The following DIAPH3 variants were observed in gnomAD, a reference collection of about 807,000 sequenced individuals.
DIAPH3 encodes the protein diaphanous related formin 3.
In DIAPH3, 117 loss-of-function variants were observed where a neutral mutation model predicts 144.3. The ratio of observed to expected loss-of-function variants is 0.81; its 90% CI spans 0.70 to 0.95. DIAPH3 has a LOEUF of 0.95. Among genes scored for constraint, DIAPH3 ranks in the 40% least tolerant of loss-of-function variants. DIAPH3 has a pLI of 0.00. For missense variants in DIAPH3, 1,421 were observed against 1,412.7 expected (o/e 1.01, Z -0.09); for synonymous variants, 519 against 488.9 (o/e 1.06, Z -0.81).
chr13:60,034,523 A>G (rs1014831104), intron 5 of DIAPH3: 2 of 152,198 alleles, frequency 1.3e-5, no homozygotes, highest in East Asian at 3.9e-4. Context: ...CACAAGCACA[A>G]TCCCACTACT....
chr13:59,906,487 G>A (rs1354978938), intron 20 of DIAPH3, among the ~76,000 whole-genome samples: 1 of 152,152 alleles, frequency 6.6e-6, no homozygotes, highest in East Asian at 1.9e-4. Context: ...TTATTTGAAT[G>A]TTTTACAACA....
At chr13:59,869,693 C>T (rs1164232455) in intron 21 of DIAPH3, among the ~76,000 whole-genome samples, 1 of 152,164 alleles carries the variant, frequency 6.6e-6, no homozygotes, top group Admixed American at 6.6e-5. Context: ...TCTTTCTACA[C>T]CTGCTGTTTT....
intron 4 of DIAPH3, among the ~76,000 whole-genome samples, chr13:60,063,356 T>G (rs964785818): frequency 1.3e-5 from 2 of 152,156 alleles, no homozygotes; most frequent in African/African-American, 2.4e-5. Flanking sequence ...ATTCCTCCAC[T>G]AAAGTGTTGA....
chr13:60,015,851 C>T lies in DIAPH3; in HGVS notation c.771+62G>A, dbSNP rs41293426. The T allele has an allele frequency of 0.027, 37,126 of 1,399,480 alleles. 582 individuals are homozygous for T. The highest frequency in any genetic ancestry group is 0.032 in the Non-Finnish European group (31,684 of 992,462). 86.7% of individuals were successfully genotyped at this position (1,399,480 alleles called of 1,614,324 possible). On this transcript the variant is annotated intron_variant, in intron 7 of 27. Coordinates refer to ENST00000400324, the MANE Select transcript of DIAPH3 (RefSeq NM_001042517.2). ...AGAACAATTTACCATCACTTTACTGCAACTGAAAATCATATATTACAAAAT... is the reference window on the plus strand; with the variant it reads ...AGAACAATTTACCATCACTTTACTGTAACTGAAAATCATATATTACAAAAT...
chr13:59,774,395 T>C, intron 26 of DIAPH3, 147 bp from the exon 27 acceptor site: 1 of 711,518 alleles, frequency 1.4e-6, no homozygotes, highest in Non-Finnish European at 2.4e-6. Flanking sequence ...GAAGCAGTAA[T>C]GTTATGACTT....
At chr13:59,897,575 C>G (rs1225380138) in intron 20 of DIAPH3, among the ~76,000 whole-genome samples, 1 of 151,252 alleles carries the variant, frequency 6.6e-6, no homozygotes, top group African/African-American at 2.4e-5. Flanking sequence ...TGGTAAAACC[C>G]CGTCTCTACT....
At chr13:59,776,882 TG>T (rs1387553320) in intron 25 of DIAPH3, among the ~76,000 whole-genome samples, 1 of 152,078 alleles carries the variant, frequency 6.6e-6, no homozygotes, top group Non-Finnish European at 1.5e-5. Flanking sequence ...CAAGAAGGGT[TG>T]GATTGGATGT....
At chr13:59,722,485 C>T (rs2035393139) in intron 27 of DIAPH3, among the ~76,000 whole-genome samples, 1 of 152,146 alleles carries the variant, frequency 6.6e-6, no homozygotes, top group Non-Finnish European at 1.5e-5. Context: ...CTTCAAATTG[C>T]TCACGGTTAG....
intron 15 of DIAPH3, among the ~76,000 whole-genome samples, chr13:59,972,146 C>T (rs1023134650): frequency 3.4e-4 from 52 of 152,112 alleles, no homozygotes; most frequent in African/African-American, 1.2e-3. Flanking sequence ...AGGATAAATG[C>T]ATGAAAGACA....
chr13:59,922,704 A>G (rs773968810), intron 18 of DIAPH3, among the ~76,000 whole-genome samples: 1 of 152,114 alleles, frequency 6.6e-6, no homozygotes, highest in Non-Finnish European at 1.5e-5. Flanking sequence ...GGAGAAGAAT[A>G]ATCTTAAAAT....
chr13:60,113,492 G>C (rs911261700), intron 2 of DIAPH3, among the ~76,000 whole-genome samples: 7 of 152,130 alleles, frequency 4.6e-5, no homozygotes, highest in African/African-American at 1.7e-4. Context: ...AAAATACTAT[G>C]TACTGCACTC....
chr13:60,053,216 A>G (rs1472228077), intron 4 of DIAPH3, among the ~76,000 whole-genome samples: 1 of 151,954 alleles, frequency 6.6e-6, no homozygotes, highest in African/African-American at 2.4e-5. Context: ...TCAAAGGAAG[A>G]GGGAAGTACG....
intron 5 of DIAPH3, among the ~76,000 whole-genome samples, chr13:60,021,180 G>C (rs1248364231): frequency 6.6e-6 from 1 of 152,178 alleles, no homozygotes; most frequent in African/African-American, 2.4e-5. Context: ...TAGCAAAGGA[G>C]AAATTCAGAT....
At chr13:60,144,409 T>A (rs551820336) in intron 1 of DIAPH3, among the ~76,000 whole-genome samples, 2 of 152,210 alleles carry the variant, frequency 1.3e-5, no homozygotes, top group Non-Finnish European at 2.9e-5. Flanking sequence ...GATCCCCACA[T>A]GTAAACAAGG....
chr13:60,157,959 C>A (rs1952108357), intron 1 of DIAPH3, among the ~76,000 whole-genome samples: 1 of 152,180 alleles, frequency 6.6e-6, no homozygotes, highest in Non-Finnish European at 1.5e-5. Context: ...AGGATTTTCT[C>A]CTCATTTATC....
intron 21 of DIAPH3, among the ~76,000 whole-genome samples, chr13:59,863,858 A>G (rs1281658477): frequency 6.6e-6 from 1 of 152,200 alleles, no homozygotes; most frequent in Non-Finnish European, 1.5e-5. Flanking sequence ...ACATACGTGG[A>G]TGATTTGGCA....
At position 59,748,296 on chromosome 13, in the gene DIAPH3, T is replaced by C. The variant is rs771830246; in HGVS notation, c.3319+25893A>G. Among the ~76,000 whole-genome samples the C allele has an allele frequency of 1.0e-3, 154 of 152,286 alleles. 1 individual carries two copies. The highest frequency in any genetic ancestry group is 1.7e-3 in the Non-Finnish European group (114 of 68,026). ...GTGACGGCGGAATATCTACTCTAGT[T>C]CTCTAGAGGGCTGCTGTGGCTTGAT... On this transcript the variant is annotated intron_variant, in intron 27 of 27. Transcript: ENST00000400324.
In DIAPH3 at chr13:60,028,752, C is replaced by A. The variant is rs76812363; in HGVS notation, c.627-12607G>T. 4.4e-3 allele frequency among the ~76,000 whole-genome samples: 677 copies of A among 152,166 alleles called. 2 individuals carry two copies. The highest frequency in any genetic ancestry group is 7.2e-3 in the Non-Finnish European group (488 of 67,990). On this transcript the variant is annotated intron_variant, in intron 5 of 27. Coordinates refer to ENST00000400324, the MANE Select transcript of DIAPH3 (RefSeq NM_001042517.2). ...GTGATACTCTTTTAAACATGTCAAACTTAACATGTTAAAAAGGGATATTTT... is the reference window on the plus strand; with the variant it reads ...GTGATACTCTTTTAAACATGTCAAAATTAACATGTTAAAAAGGGATATTTT...
intron 17 of DIAPH3, among the ~76,000 whole-genome samples, chr13:59,954,046 T>C (rs1447905147): frequency 4.6e-5 from 7 of 152,194 alleles, no homozygotes; most frequent in Non-Finnish European, 5.9e-5. Flanking sequence ...GTCCATTCCA[T>C]ACCAATGCAT....
Sources: gnomAD v4.1 joint callset for allele counts (sites outside exome capture counted in the v4.1 genomes callset) on GRCh38, gnomAD v4.1.1 for gene constraint, MANE v1.5 for transcripts, NCBI Gene and HGNC (gene_info 2026-07-23, HGNC 2026-07-21) for gene names.